Variants in FOCAD observed in about 807,000 individuals in gnomAD.
FOCAD encodes focadhesin.
In FOCAD, 198 loss-of-function variants were observed where a neutral mutation model predicts 225.6. The ratio of observed to expected loss-of-function variants is 0.88; its 90% CI spans 0.78 to 0.99. The LOEUF (loss-of-function observed/expected upper bound fraction) is 0.99, where lower values mean the gene tolerates loss of function less well. FOCAD is among the 50% of genes least tolerant of loss of function. The pLI is 0.00. For missense variants in FOCAD, 2,713 were observed against 2,123.6 expected, an observed-to-expected ratio of 1.28 and a Z score of -5.46; for synonymous variants, 897 against 755.0, an observed-to-expected ratio of 1.19 and a Z score of -3.08.
intron 2 of FOCAD, among the ~76,000 whole-genome samples, chr9:20,660,740 T>C (rs1472133554): frequency 6.6e-6 from 1 of 152,154 alleles, no homozygotes; most frequent in African/African-American, 2.4e-5. Context: ...AGAAAGCTGG[T>C]AGCCCCAGCA....
intron 2 of FOCAD, among the ~76,000 whole-genome samples, chr9:20,672,834 C>G (rs774854751): frequency 2.7e-4 from 41 of 152,216 alleles, no homozygotes; most frequent in Non-Finnish European, 7.3e-5. Flanking sequence ...GCTGGTTAAA[C>G]AATCTAGGTC....
At position 20,912,928 on chromosome 9, in the gene FOCAD, G is replaced by A. The variant is rs764240085; in HGVS notation, c.2781G>A (p.Gln927=). 6.2e-6 allele frequency: 10 copies of A among 1,613,030 alleles called. No individual in the cohort carries two copies. In the Admixed American group the frequency reaches 1.5e-4, roughly 24 times the overall value. ...GAAAAGAAGAACCTGAGGAGGTGCAGTACAAAAAAAGCACAGCCTGGCTCT... is the reference window on the plus strand; with the variant it reads ...GAAAAGAAGAACCTGAGGAGGTGCAATACAAAAAAAGCACAGCCTGGCTCT... The part of the protein sequence containing the change: ...KHGKEEPEEV[Q]YKKSTAWLWV... The change falls in exon 23 of 44, where the codon CAG becomes CAA. Residue 927 remains glutamine (Q), a synonymous_variant. Transcript: ENST00000338382.
intron 24 of FOCAD, among the ~76,000 whole-genome samples, chr9:20,917,291 T>C (rs1833954002): frequency 1.3e-5 from 2 of 152,206 alleles, no homozygotes; most frequent in South Asian, 2.1e-4. Context: ...CTTGCTAATA[T>C]GAGTTATGTT....
intron 11 of FOCAD, among the ~76,000 whole-genome samples, chr9:20,810,474 T>C (rs548540477): frequency 6.6e-6 from 1 of 152,276 alleles, no homozygotes; most frequent in East Asian, 1.9e-4. Flanking sequence ...CTAGTCAGAC[T>C]GCCAAAGATT....
intron 10 of FOCAD, chr9:20,787,117 A>G: frequency 4.3e-6 from 1 of 233,826 alleles, no homozygotes; most frequent in South Asian, 5.1e-5. Flanking sequence ...CAAACTTAAG[A>G]GCCTAAACCT....
In FOCAD at chr9:20,823,021, C is replaced by A; in HGVS notation, c.1826C>A (p.Ala609Asp). 1 of 1,606,260 alleles carries A rather than the reference C, an allele frequency of 6.2e-7. No individual in the cohort carries two copies. Among genetic ancestry groups the A allele is most frequent in the Non-Finnish European group, 8.5e-7 (1 of 1,177,390 alleles). The change falls in exon 15 of 44, where the codon GCT becomes GAT. Residue 609 changes from alanine to aspartate, a missense_variant. Ala to Asp is a moderately radical substitution (Grantham distance 126, BLOSUM62 -2). Transcript: ENST00000338382. ...PYQHGADMLA[A>D]ISQVLNECTK... ...CAACATGGTGCAGATATGTTGGCAG[C>A]TATTTCTCAAGTGTTGAATGAATGC...
At chr9:20,808,994 A>C (rs1275164842) in intron 11 of FOCAD, among the ~76,000 whole-genome samples, 2 of 152,190 alleles carry the variant, frequency 1.3e-5, no homozygotes, top group African/African-American at 2.4e-5. Flanking sequence ...ATATTCCCCC[A>C]AAAAATGTAT....
chr9:20,832,585 A>G (rs886647172), intron 15 of FOCAD, among the ~76,000 whole-genome samples: 2 of 152,040 alleles, frequency 1.3e-5, no homozygotes, highest in African/African-American at 2.4e-5. Flanking sequence ...AAAATGTACA[A>G]TTGAGTTATT....
At chr9:20,914,503 A>T (rs1833714213) in intron 23 of FOCAD, among the ~76,000 whole-genome samples, 1 of 152,134 alleles carries the variant, frequency 6.6e-6, no homozygotes, top group Non-Finnish European at 1.5e-5. Flanking sequence ...TCTCTTTAAT[A>T]ATATGACATT....
rs775010386 is a variant in FOCAD at position 20,770,186 on chromosome 9, A to G, written c.854A>G (p.Glu285Gly). The change falls in exon 8 of 44, where the codon GAA becomes GGA. Residue 285 changes from glutamate (E) to glycine (G), a missense_variant. Transcript: ENST00000338382. Reference sequence around the variant, plus strand: ...GAAGTCAGCTTAAAGATAACTGGTGAATGTTCATCTTCAATTCACCTTTTA... The same window carrying G: ...GAAGTCAGCTTAAAGATAACTGGTGGATGTTCATCTTCAATTCACCTTTTA... ...VSEVSLKITG[E>G]CSSSIHLLEH... 8.7e-6 allele frequency: 14 copies of G among 1,613,978 alleles called. No homozygotes were observed. In the South Asian group the frequency reaches 8.8e-5, roughly 10 times the overall value.
intron 4 of FOCAD, among the ~76,000 whole-genome samples, chr9:20,727,247 T>C (rs905216609): frequency 6.6e-6 from 1 of 152,138 alleles, no homozygotes. Context: ...AGAAAAGTGG[T>C]TCCAGCCACT....
chr9:20,872,633 TCTTG>T (rs1214611963), intron 18 of FOCAD, among the ~76,000 whole-genome samples: 13 of 151,892 alleles, frequency 8.6e-5, no homozygotes, highest in East Asian at 1.9e-4. Context: ...TTCTTTTCTT[TCTTG>T]CTTGCTTGCT....
chr9:20,766,985 C>T lies in FOCAD; in HGVS notation c.699+1912C>T, dbSNP rs556298224. On this transcript the variant is annotated intron_variant, in intron 7 of 43. Transcript: ENST00000338382. ...TGCTATCCCTCCCCTCTCCCCCACCCCACCACAGTCCCCAGAATGTGATAT... is the reference window on the plus strand; with the variant it reads ...TGCTATCCCTCCCCTCTCCCCCACCTCACCACAGTCCCCAGAATGTGATAT... Among the ~76,000 whole-genome samples the T allele has an allele frequency of 6.6e-5, 10 of 152,244 alleles. No individual in the cohort carries two copies. The South Asian group carries it at 1.7e-3, about 25-fold the overall frequency.
chr9:20,892,205 A>G lies in FOCAD; in HGVS notation c.2625+6975A>G, dbSNP rs577707391. Among the ~76,000 whole-genome samples the G allele has an allele frequency of 6.9e-4, 105 of 152,332 alleles. 1 individual carries two copies. The highest frequency in any genetic ancestry group is 2.5e-3 in the African/African-American group (102 of 41,588). ...ATAGGTCTGATGGAGGTGTTCAAGGAGATGGAGTTGTTGTTATGACTGCCA... is the reference window on the plus strand; with the variant it reads ...ATAGGTCTGATGGAGGTGTTCAAGGGGATGGAGTTGTTGTTATGACTGCCA... On this transcript the variant is annotated intron_variant, in intron 21 of 43. Coordinates refer to ENST00000338382, the MANE Select transcript of FOCAD (RefSeq NM_001375567.1).
intron 37 of FOCAD, among the ~76,000 whole-genome samples, chr9:20,979,885 T>C (rs1304256746): frequency 6.6e-6 from 1 of 152,186 alleles, no homozygotes; most frequent in Non-Finnish European, 1.5e-5. Context: ...TAAAAGTAGC[T>C]TTGTTGAGTT....
chr9:20,874,791 C>G lies in FOCAD; in HGVS notation c.2301C>G (p.Pro767=), dbSNP rs760835871. 6.2e-7 allele frequency: 1 copy of G among 1,613,580 alleles called. No homozygotes were observed. Among genetic ancestry groups the G allele is most frequent in the South Asian group, 1.1e-5 (1 of 91,066 alleles). ...SCYLKLLSLT[P]PLVLPALEEF... is the part of the protein sequence containing the mutation. ...ATCTCAAACTGTTGTCACTCACTCCCCCTTTGGTTTTACCAGGTGACTCCT... is the reference window on the plus strand; with the variant it reads ...ATCTCAAACTGTTGTCACTCACTCCGCCTTTGGTTTTACCAGGTGACTCCT... Residue 767 remains proline (P), a synonymous_variant, in exon 19 of 44, where the codon CCC becomes CCG. Coordinates refer to ENST00000338382, the MANE Select transcript of FOCAD (RefSeq NM_001375567.1).
intron 11 of FOCAD, among the ~76,000 whole-genome samples, chr9:20,797,032 A>G (rs988044127): frequency 3.3e-5 from 5 of 152,186 alleles, no homozygotes; most frequent in African/African-American, 9.7e-5. Context: ...CTTTCTCCGT[A>G]TGGCTAGCCA....
At chr9:20,823,197 T>C in intron 15 of FOCAD, 82 bp downstream of exon 15, 2 of 1,407,830 alleles carry the variant, frequency 1.4e-6, no homozygotes, top group South Asian at 2.7e-5. Flanking sequence ...TAAGATTAGA[T>C]TCAAATAACT....
At chr9:20,700,428 T>A (rs1321650636) in intron 1 of FOCAD, among the ~76,000 whole-genome samples, 1 of 152,020 alleles carries the variant, frequency 6.6e-6, no homozygotes, top group Non-Finnish European at 1.5e-5. Context: ...TACCAAAATT[T>A]ATGACAGCAT....
Sources: allele counts gnomAD v4.1 joint callset (sites outside exome capture counted in the v4.1 genomes callset), GRCh38; gene constraint gnomAD v4.1.1; transcripts MANE v1.5; gene names NCBI Gene and HGNC (gene_info 2026-07-23, HGNC 2026-07-21).